OC90: variants seen among roughly 807,000 people sequenced by gnomAD.
OC90 encodes the protein otoconin-90.
A neutral mutation model predicts 47.3 loss-of-function variants in OC90; 46 were observed. That is an observed-to-expected ratio of 0.97 (90% CI 0.77 to 1.24). The LOEUF (loss-of-function observed/expected upper bound fraction) is 1.24, where lower values mean the gene tolerates loss of function less well. Ranked by LOEUF, OC90 falls within the 50% of genes most tolerant of loss-of-function variation. The pLI is 0.00. For missense variants in OC90, 688 were observed against 583.9 expected, an observed-to-expected ratio of 1.18 and a Z score of -1.84; for synonymous variants, 271 against 219.5, an observed-to-expected ratio of 1.23 and a Z score of -2.07.
intron 11 of OC90, among the ~76,000 whole-genome samples, chr8:132,032,614 C>T (rs1822891895): frequency 6.6e-6 from 1 of 152,232 alleles, no homozygotes; most frequent in Non-Finnish European, 1.5e-5. Context: ...AACAAAGCCC[C>T]TCCTCTGTAT....
chr8:132,039,388 T>A (rs1823021111), intron 6 of OC90, among the ~76,000 whole-genome samples: 1 of 152,096 alleles, frequency 6.6e-6, no homozygotes, highest in Admixed American at 6.5e-5. Context: ...TCTCCACACC[T>A]CCACTGTACC....
At position 132,037,362 on chromosome 8, in the gene OC90, G is replaced by A. The variant is rs377532171; in HGVS notation, c.679+76C>T. 9.2e-4 allele frequency: 1,113 copies of A among 1,203,252 alleles called. 2 individuals are homozygous for A. The highest frequency in any genetic ancestry group is 1.2e-3 in the Non-Finnish European group (1,012 of 831,366). 74.5% of individuals were successfully genotyped at this position (1,203,252 alleles called of 1,614,324 possible). ...TGATAGTGAGTTCTTGTGAGATCTG[G>A]TTGTTTAAACGTGTATAGTCCCTCC... On this transcript the variant is annotated intron_variant, in intron 9 of 13. Transcript: ENST00000254627.
intron 8 of OC90, 94 bp from the exon 9 acceptor site, chr8:132,037,582 C>A: frequency 9.1e-7 from 1 of 1,093,280 alleles, no homozygotes; most frequent in Non-Finnish European, 1.4e-6. Context: ...GGTTGCTGGC[C>A]CAAGGGAGGA....
intron 12 of OC90, among the ~76,000 whole-genome samples, chr8:132,030,980 T>C (rs1283214996): frequency 1.3e-5 from 2 of 152,246 alleles, no homozygotes; most frequent in Non-Finnish European, 2.9e-5. Flanking sequence ...TGATTTTGCT[T>C]TGGCAACCAT....
In OC90 at chr8:132,048,511, C is replaced by A. The variant is rs931629207; in HGVS notation, c.47-2628G>T. On this transcript the variant is annotated intron_variant, in intron 2 of 13. Transcript: ENST00000254627. ...TTCACAGTATTAAGTCCTGCTTTTG[C>A]CTCTTTCCCATTTTTCCTGACTGAA... Among the ~76,000 whole-genome samples, 15 of 150,742 alleles carry A rather than the reference C, an allele frequency of 1.0e-4. 1 individual carries two copies. Among genetic ancestry groups the A allele is most frequent in the African/African-American group, 3.7e-4 (15 of 40,160 alleles).
chr8:132,035,948 C>G (rs950646197), intron 9 of OC90, among the ~76,000 whole-genome samples: 1 of 152,182 alleles, frequency 6.6e-6, no homozygotes, highest in Admixed American at 6.5e-5. Context: ...AACCCATTTA[C>G]TTACTTATTC....
In OC90 at chr8:132,032,938, C is replaced by T. The variant is rs930173941; in HGVS notation, c.859+101G>A. The T allele has an allele frequency of 3.8e-6, 5 of 1,317,724 alleles. No homozygotes were observed. In the African/African-American group the frequency reaches 5.9e-5, roughly 16 times the overall value. 81.6% of individuals were successfully genotyped at this position (1,317,724 alleles called of 1,614,324 possible). A position where few individuals can be genotyped will look rare whatever the true frequency, so the allele number is the denominator to read the frequency against. ...GGGATGATGTCTTCTCATCACACCC[C>T]CATGAGAAGGTCACAGTGTGAAAAG... On this transcript the variant is annotated intron_variant, in intron 11 of 13. Transcript: ENST00000254627.
rs1354516292 is a variant in OC90, at chr8:132,028,563, A to AAAGAAAGGAAGGAAGG, written c.1138+509_1138+510insCCTTCCTTCCTTTCTT. Among the ~76,000 whole-genome samples the AAAGAAAGGAAGGAAGG allele has an allele frequency of 8.0e-3, 250 of 31,198 alleles. 2 individuals are homozygous for AAAGAAAGGAAGGAAGG. Among genetic ancestry groups the AAAGAAAGGAAGGAAGG allele is most frequent in the South Asian group, 0.045 (32 of 714 alleles). 20.5% of individuals were successfully genotyped at this position (31,198 alleles called of 152,430 possible). ...GAAAGAAAGAAAGAAAGAAAGAAAG[A>AAAGAAAGGAAGGAAGG]AAGGAAGGAAGGAAGGAAGGAAGGA... On this transcript the variant is annotated intron_variant, in intron 13 of 13. Transcript: ENST00000254627.
At chr8:132,038,925 A>G (rs1823009592) in intron 7 of OC90, 70 bp downstream of exon 7, 1 of 1,611,088 alleles carries the variant, frequency 6.2e-7, no homozygotes, top group African/African-American at 1.3e-5. Context: ...ACATGAAGCA[A>G]TAATTGATCC....
At chr8:132,037,405 C>A in intron 9 of OC90, 33 bp downstream of exon 9, 4 of 1,556,500 alleles carry the variant, frequency 2.6e-6, no homozygotes, top group South Asian at 2.4e-5. Context: ...CATTGTGTGT[C>A]TTTGGGTTCC....
intron 3 of OC90, among the ~76,000 whole-genome samples, chr8:132,045,114 T>C (rs1376714707): frequency 1.3e-5 from 2 of 152,234 alleles, no homozygotes; most frequent in Non-Finnish European, 2.9e-5. Context: ...TCTTAATGTC[T>C]AATTAAAGAA....
intron 13 of OC90, among the ~76,000 whole-genome samples, chr8:132,028,197 G>A (rs1447690159): frequency 6.6e-6 from 1 of 152,072 alleles, no homozygotes; most frequent in East Asian, 1.9e-4. Context: ...ATGATAATAC[G>A]TGCCTCAACA....
intron 2 of OC90, among the ~76,000 whole-genome samples, chr8:132,054,023 C>T (rs970625058): frequency 2.0e-5 from 3 of 152,218 alleles, no homozygotes; most frequent in African/African-American, 7.2e-5. Context: ...TGTCTTGTAT[C>T]TGACTCAGAT....
At chr8:132,058,526 C>A (rs1209155891) in intron 1 of OC90, among the ~76,000 whole-genome samples, 1 of 152,204 alleles carries the variant, frequency 6.6e-6, no homozygotes, top group South Asian at 2.1e-4. Context: ...CCTTGCTGGT[C>A]GGACAGACCT....
intron 1 of OC90, among the ~76,000 whole-genome samples, chr8:132,058,353 C>A (rs1357439399): frequency 6.6e-6 from 1 of 152,184 alleles, no homozygotes; most frequent in Admixed American, 6.5e-5. Flanking sequence ...CCAAGGAAGT[C>A]TCTGGGGCTG....
At chr8:132,056,744 G>A (rs1440368730) in intron 1 of OC90, among the ~76,000 whole-genome samples, 1 of 152,142 alleles carries the variant, frequency 6.6e-6, no homozygotes, top group Non-Finnish European at 1.5e-5. Context: ...AAAGTCTTGT[G>A]GTTAGCAGAA....
At position 132,039,015 on chromosome 8, in the gene OC90, A is replaced by G. The variant is rs1823011902; in HGVS notation, c.566T>C (p.Phe189Ser). Residue 189 changes from phenylalanine to serine, a missense_variant, in exon 7 of 14, where the codon TTC becomes TCC. Physicochemically the swap from Phe to Ser is radical, Grantham distance 155. Coordinates refer to ENST00000254627, the MANE Select transcript of OC90 (RefSeq NM_001080399.3). ...NSSLNLLDTSFCLAQTPETTI... is the reference protein window; with the variant it reads ...NSSLNLLDTSSCLAQTPETTI... Reference sequence around the variant, plus strand: ...CCTACCTGGAGTCTGAGCCAGGCAGAAGGAGGTGTCCAGAAGGTTCAGGGA... The same window carrying G: ...CCTACCTGGAGTCTGAGCCAGGCAGGAGGAGGTGTCCAGAAGGTTCAGGGA... 6.2e-7 allele frequency: 1 copy of G among 1,613,980 alleles called. No individual in the cohort carries two copies.
Position 132,024,535 on chromosome 8 carries a change from C to T in OC90, c.1380G>A (p.Arg460=), listed in dbSNP as rs758596729. Reference sequence around the variant, plus strand: ...AGGGACCCAGTGACTTCCGCAGAAACCTCTTGGCTCTGCCGAGGTCCTCCT... The same window carrying T: ...AGGGACCCAGTGACTTCCGCAGAAATCTCTTGGCTCTGCCGAGGTCCTCCT... ...PPQEDLGRAK[R]FLRKSLGPLG... is the part of the protein sequence containing the mutation. The change falls in exon 14 of 14, where the codon AGG becomes AGA. Residue 460 remains arginine (R), a synonymous_variant. Coordinates refer to ENST00000254627, the MANE Select transcript of OC90 (RefSeq NM_001080399.3). 4 of 1,604,166 alleles carry T rather than the reference C, an allele frequency of 2.5e-6. No homozygotes were observed. The East Asian group carries it at 9.0e-5, about 36-fold the overall frequency.
intron 10 of OC90, among the ~76,000 whole-genome samples, chr8:132,033,654 T>C (rs1822909973): frequency 6.6e-6 from 1 of 152,212 alleles, no homozygotes; most frequent in African/African-American, 2.4e-5. Flanking sequence ...TTCCTTCCTG[T>C]GGTCTGCAAG....
Sources: gnomAD v4.1 joint callset for allele counts (sites outside exome capture counted in the v4.1 genomes callset) on GRCh38, gnomAD v4.1.1 for gene constraint, MANE v1.5 for transcripts, NCBI Gene and HGNC (gene_info 2026-07-23, HGNC 2026-07-21) for gene names.